The following MAP2 variants were observed in gnomAD, a reference collection of about 807,000 sequenced individuals.
MAP2 encodes microtubule associated protein 2.
Under a neutral mutation model 137.6 loss-of-function variants are expected in MAP2, and 14 were observed. The observed-to-expected ratio is 0.10, with a 90% CI of 0.07 to 0.16. The LOEUF is 0.16. Ranked by LOEUF, MAP2 falls within the 10% of genes least tolerant of loss-of-function variation. The pLI is 1.00. For missense variants in MAP2, 2,088 were observed against 2,191.5 expected, an observed-to-expected ratio of 0.95 and a Z score of 0.94; for synonymous variants, 786 against 782.3, an observed-to-expected ratio of 1.00 and a Z score of -0.08.
chr2:209,691,362 A>G (rs1395274948), intron 7 of MAP2, among the ~76,000 whole-genome samples: 3 of 152,090 alleles, frequency 2.0e-5, no homozygotes, highest in Non-Finnish European at 4.4e-5. Context: ...CCTCCTGCTG[A>G]TGCTTCTCAT....
chr2:209,705,762 A>C (rs779702830), intron 12 of MAP2, 35 bp downstream of exon 12: 2 of 1,589,356 alleles, frequency 1.3e-6, no homozygotes, highest in Non-Finnish European at 1.7e-6. Context: ...CTTTTTAAGC[A>C]CTTTTTAAAT....
rs539844315 is a variant in MAP2, at chr2:209,465,365, A to G, written c.-222+41089A>G. On this transcript the variant is annotated intron_variant, in intron 1 of 15. Transcript: ENST00000682079. Reference sequence around the variant, plus strand: ...GTAATCTATCATTGGAGTGAGTAATATAACATTTGCTATAAATATTTTTCA... The same window carrying G: ...GTAATCTATCATTGGAGTGAGTAATGTAACATTTGCTATAAATATTTTTCA... 8.5e-4 allele frequency among the ~76,000 whole-genome samples: 129 copies of G among 152,316 alleles called. 2 individuals are homozygous for G. Among genetic ancestry groups the G allele is most frequent in the African/African-American group, 2.8e-3 (118 of 41,578 alleles).
At chr2:209,471,613 T>G (rs1198177647) in intron 1 of MAP2, among the ~76,000 whole-genome samples, 1 of 152,098 alleles carries the variant, frequency 6.6e-6, no homozygotes, top group Non-Finnish European at 1.5e-5. Context: ...ACCTAGTACT[T>G]AAATGATTTT....
intron 5 of MAP2, among the ~76,000 whole-genome samples, chr2:209,670,785 C>T (rs542399020): frequency 5.8e-4 from 88 of 151,894 alleles, no homozygotes; most frequent in African/African-American, 2.0e-3. Context: ...GTGACTGTGG[C>T]GGGATCAGTC....
intron 13 of MAP2, among the ~76,000 whole-genome samples, chr2:209,716,242 G>A (rs1223721999): frequency 1.3e-5 from 2 of 152,154 alleles, no homozygotes; most frequent in Non-Finnish European, 2.9e-5. Context: ...CAGAGATGAG[G>A]TGCATTTTGT....
chr2:209,506,782 G>C (rs552704096), intron 1 of MAP2, among the ~76,000 whole-genome samples: 18 of 152,278 alleles, frequency 1.2e-4, no homozygotes, highest in Admixed American at 4.6e-4. Flanking sequence ...CTTTAGCAAA[G>C]GTTTGGACTG....
rs2066472859 is a variant in MAP2 at position 209,539,165 on chromosome 2, TTA to T, written c.-172+31526_-172+31527del. 1.3e-5 allele frequency among the ~76,000 whole-genome samples: 2 copies of T among 152,224 alleles called. 1 individual carries two copies. The highest frequency in any genetic ancestry group is 4.1e-4 in the South Asian group (2 of 4,838). The stretch of plus-strand genomic sequence containing the variant: ...CTGATCCTGCAATTGTCCAGAATCA[TTA>T]TCACTTTGGAGATTATTTTTAAAGT... On this transcript the variant is annotated intron_variant, in intron 2 of 15. Coordinates refer to ENST00000682079, the MANE Select transcript of MAP2 (RefSeq NM_001375505.1).
chr2:209,623,644 T>C (rs766899598), intron 3 of MAP2, among the ~76,000 whole-genome samples: 9 of 152,160 alleles, frequency 5.9e-5, no homozygotes, highest in Non-Finnish European at 1.2e-4. Flanking sequence ...AATTTGCTAA[T>C]AATCAAAATT....
At chr2:209,574,390 A>G (rs2153381042) in intron 2 of MAP2, among the ~76,000 whole-genome samples, 1 of 151,862 alleles carries the variant, frequency 6.6e-6, no homozygotes, top group Non-Finnish European at 1.5e-5. Context: ...CATTGTGGCA[A>G]ATGGCAAGAT....
intron 2 of MAP2, among the ~76,000 whole-genome samples, chr2:209,527,750 G>A (rs1238883722): frequency 2.0e-5 from 3 of 152,078 alleles, no homozygotes; most frequent in Non-Finnish European, 4.4e-5. Context: ...GCATCACATG[G>A]GTACTTGTTA....
chr2:209,566,454 G>T (rs2073429836), intron 2 of MAP2, among the ~76,000 whole-genome samples: 1 of 152,190 alleles, frequency 6.6e-6, no homozygotes, highest in South Asian at 2.1e-4. Flanking sequence ...AAGTGCCTCA[G>T]CCTGCTTCAC....
intron 2 of MAP2, among the ~76,000 whole-genome samples, chr2:209,527,153 A>C (rs1438268448): frequency 6.6e-6 from 1 of 152,132 alleles, no homozygotes; most frequent in Non-Finnish European, 1.5e-5. Context: ...TCTTAGTGTG[A>C]TATCTGGTGG....
intron 11 of MAP2, among the ~76,000 whole-genome samples, chr2:209,702,153 A>G (rs1011380232): frequency 6.6e-6 from 1 of 152,032 alleles, no homozygotes; most frequent in Admixed American, 6.6e-5. Context: ...CTTTAGGTTG[A>G]CATTATTTGG....
chr2:209,700,261 CTT>C lies in MAP2; in HGVS notation c.4523-13_4523-12del. 6.2e-7 allele frequency: 1 copy of C among 1,611,480 alleles called. No homozygotes were observed. Among genetic ancestry groups the C allele is most frequent in the Non-Finnish European group, 8.5e-7 (1 of 1,178,292 alleles). Reference sequence around the variant, plus strand: ...AGCAACTAAGTTTGGGGTTGTTTGTCTTTTATTTTCAACAGCAGCAGGTGGGG... The same window carrying C: ...AGCAACTAAGTTTGGGGTTGTTTGTCTTATTTTCAACAGCAGCAGGTGGGG... On this transcript the variant is annotated splice_polypyrimidine_tract_variant and intron_variant, in intron 10 of 15. Transcript: ENST00000682079.
Position 209,692,701 on chromosome 2 carries a change from G to A in MAP2, c.531G>A (p.Gln177=). Residue 177 remains glutamine (Q), a synonymous_variant, in exon 8 of 16, where the codon CAG becomes CAA. Transcript: ENST00000682079. Reference sequence around the variant, plus strand: ...CCTCTACAGCTGAGCCTTCAGACCAGAAGGAAAAGGAGTCAGAGAAGCAAA... The same window carrying A: ...CCTCTACAGCTGAGCCTTCAGACCAAAAGGAAAAGGAGTCAGAGAAGCAAA... ...LTPSTAEPSD[Q]KEKESEKQSK... 6.2e-7 allele frequency: 1 copy of A among 1,613,812 alleles called. No individual in the cohort carries two copies. Among genetic ancestry groups the A allele is most frequent in the Non-Finnish European group, 8.5e-7 (1 of 1,179,882 alleles).
intron 1 of MAP2, among the ~76,000 whole-genome samples, chr2:209,481,522 A>G (rs1181013593): frequency 6.6e-6 from 1 of 152,208 alleles, no homozygotes; most frequent in Non-Finnish European, 1.5e-5. Flanking sequence ...CAATGTCCCC[A>G]AGAAATGGAG....
In MAP2 at chr2:209,451,671, C is replaced by A. The variant is rs141617036; in HGVS notation, c.-222+27395C>A. 2.0e-3 allele frequency among the ~76,000 whole-genome samples: 307 copies of A among 152,350 alleles called. 2 individuals are homozygous for A. Among genetic ancestry groups the A allele is most frequent in the African/African-American group, 7.0e-3 (292 of 41,574 alleles). On this transcript the variant is annotated intron_variant, in intron 1 of 15. Coordinates refer to ENST00000682079, the MANE Select transcript of MAP2 (RefSeq NM_001375505.1). The stretch of plus-strand genomic sequence containing the variant: ...TTTTCTAATTGGAGCCTGACACATA[C>A]ACATACTAAACAGGGCTTTAGTGTT...
At chr2:209,522,476 A>T (rs924952737) in intron 2 of MAP2, among the ~76,000 whole-genome samples, 7 of 152,174 alleles carry the variant, frequency 4.6e-5, no homozygotes, top group Non-Finnish European at 4.4e-5. Flanking sequence ...GCCCCTTCTT[A>T]TATGATGTTT....
At chr2:209,538,488 A>G (rs1481418826) in intron 2 of MAP2, among the ~76,000 whole-genome samples, 1 of 151,662 alleles carries the variant, frequency 6.6e-6, no homozygotes, top group Non-Finnish European at 1.5e-5. Flanking sequence ...TTGAAACAAG[A>G]CAAAACTCAA....
Sources: allele counts gnomAD v4.1 joint callset (sites outside exome capture counted in the v4.1 genomes callset), GRCh38; gene constraint gnomAD v4.1.1; transcripts MANE v1.5; gene names NCBI Gene and HGNC (gene_info 2026-07-23, HGNC 2026-07-21).